IQGAP2: variants seen among roughly 807,000 people sequenced by gnomAD.
IQGAP2 encodes the protein IQ motif containing GTPase activating protein 2.
A neutral mutation model predicts 201.3 loss-of-function variants in IQGAP2; 173 were observed. That is an observed-to-expected ratio of 0.86 (90% CI 0.76 to 0.98). The LOEUF (loss-of-function observed/expected upper bound fraction) is 0.98, where lower values mean the gene tolerates loss of function less well. IQGAP2 is among the 50% of genes least tolerant of loss of function. The pLI, the probability that IQGAP2 is intolerant of heterozygous loss-of-function variation, is 0.00. For synonymous variants in IQGAP2, 675 were observed against 673.9 expected, an observed-to-expected ratio of 1.00 and a Z score of -0.03; for missense variants, 1,687 against 1,864.8, an observed-to-expected ratio of 0.90 and a Z score of 1.76.
intron 3 of IQGAP2, among the ~76,000 whole-genome samples, chr5:76,564,925 A>G (rs544454762): frequency 1.1e-4 from 16 of 152,342 alleles, no homozygotes; most frequent in Non-Finnish European, 2.1e-4. Context: ...AGAAAAAAAC[A>G]TAAGACAAAT....
At chr5:76,681,889 C>G (rs1745336431) in intron 28 of IQGAP2, among the ~76,000 whole-genome samples, 1 of 152,152 alleles carries the variant, frequency 6.6e-6, no homozygotes, top group African/African-American at 2.4e-5. Context: ...CAATATTATT[C>G]AGCTCTAAAA....
At chr5:76,699,719 T>TTCTCTCTCTCTCTC (rs557554396) in intron 33 of IQGAP2, among the ~76,000 whole-genome samples, 3 of 20,464 alleles carry the variant, frequency 1.5e-4, no homozygotes, top group African/African-American at 2.6e-4. Context: ...TTCTCTCTGT[T>TTCTCTCTCTCTCTC]TCTCTCTCTC....
At chr5:76,454,738 T>A (rs1470083897) in intron 1 of IQGAP2, among the ~76,000 whole-genome samples, 4 of 151,908 alleles carry the variant, frequency 2.6e-5, no homozygotes, top group Admixed American at 1.3e-4. Flanking sequence ...TTGTGAATAG[T>A]GCCGCAATAA....
chr5:76,528,537 TCTC>T (rs1274195968), intron 2 of IQGAP2, among the ~76,000 whole-genome samples: 1 of 151,996 alleles, frequency 6.6e-6, no homozygotes, highest in African/African-American at 2.4e-5. Context: ...AACCCAATCT[TCTC>T]CTTTTTTCAA....
chr5:76,475,525 A>C (rs1199098015), intron 2 of IQGAP2, among the ~76,000 whole-genome samples: 1 of 152,180 alleles, frequency 6.6e-6, no homozygotes, highest in Admixed American at 6.5e-5. Context: ...TTTATCTACC[A>C]AAGATCGAGA....
intron 13 of IQGAP2, among the ~76,000 whole-genome samples, chr5:76,612,729 T>TGC (rs1478325494): frequency 5.0e-4 from 76 of 151,960 alleles, no homozygotes; most frequent in Non-Finnish European, 9.0e-4. Flanking sequence ...AGATGGAATA[T>TGC]AGATAGGCTT....
chr5:76,621,451 A>T (rs1282631404), intron 13 of IQGAP2, among the ~76,000 whole-genome samples: 2 of 152,224 alleles, frequency 1.3e-5, no homozygotes, highest in Non-Finnish European at 2.9e-5. Flanking sequence ...TCACTTTTGC[A>T]TTTTGGAAAA....
intron 9 of IQGAP2, 55 bp downstream of exon 9, chr5:76,592,980 C>T (rs929700807): frequency 1.7e-6 from 2 of 1,201,930 alleles, no homozygotes; most frequent in African/African-American, 3.0e-5. Context: ...ACAGACTTTC[C>T]TTGCCAGAAT....
chr5:76,499,118 T>C (rs1390105432), intron 2 of IQGAP2, among the ~76,000 whole-genome samples: 1 of 152,200 alleles, frequency 6.6e-6, no homozygotes, highest in African/African-American at 2.4e-5. Context: ...TGGCAGGGAA[T>C]TTGGGTTCTA....
At chr5:76,496,641 A>G (rs1756904571) in intron 2 of IQGAP2, among the ~76,000 whole-genome samples, 1 of 152,144 alleles carries the variant, frequency 6.6e-6, no homozygotes, top group African/African-American at 2.4e-5. Flanking sequence ...AATGGTATTC[A>G]TATTCACATG....
At chr5:76,465,669 C>A (rs1458201595) in intron 2 of IQGAP2, among the ~76,000 whole-genome samples, 1 of 152,108 alleles carries the variant, frequency 6.6e-6, no homozygotes, top group African/African-American at 2.4e-5. Context: ...ACTAAGAAAA[C>A]CCCACCACAA....
chr5:76,448,562 C>T (rs1243361258), intron 1 of IQGAP2, among the ~76,000 whole-genome samples: 2 of 152,092 alleles, frequency 1.3e-5, no homozygotes, highest in Non-Finnish European at 2.9e-5. Flanking sequence ...CCTCCAAGGG[C>T]AAGAAACCCA....
At position 76,671,940 on chromosome 5, in the gene IQGAP2, A is replaced by C; in HGVS notation, c.3025A>C (p.Lys1009Gln). The change falls in exon 24 of 36, where the codon AAG becomes CAG. Residue 1009 changes from lysine to glutamine, a missense_variant. Lys to Gln is a moderately conservative substitution (Grantham distance 53, BLOSUM62 1). Coordinates refer to ENST00000274364, the MANE Select transcript of IQGAP2 (RefSeq NM_006633.5). Reference protein sequence around the residue: ...IINTNPVEVYKAWVNQLETQT... With the variant: ...IINTNPVEVYQAWVNQLETQT... ...CAACACAAACCCTGTAGAGGTGTAC[A>C]AGGCTTGGGTGAACCAACTAGAAAC... is the stretch of plus-strand genomic sequence containing the variant. 1 of 1,614,138 alleles carries C rather than the reference A, an allele frequency of 6.2e-7. No homozygotes were observed. The highest frequency in any genetic ancestry group is 8.5e-7 in the Non-Finnish European group (1 of 1,179,998).
rs185884135 is a variant in IQGAP2, at chr5:76,566,201, G to A, written c.303+3649G>A. 1.7e-3 allele frequency among the ~76,000 whole-genome samples: 263 copies of A among 152,198 alleles called. 1 individual carries two copies. The highest frequency in any genetic ancestry group is 6.2e-3 in the African/African-American group (256 of 41,516). ...GACAAGGGCCTGGTTTCATGGTGGC[G>A]GGGAGGCAGACTAAGTGAATTTATA... On this transcript the variant is annotated intron_variant, in intron 3 of 35. Coordinates refer to ENST00000274364, the MANE Select transcript of IQGAP2 (RefSeq NM_006633.5).
chr5:76,447,076 T>C (rs1456401595), intron 1 of IQGAP2, among the ~76,000 whole-genome samples: 1 of 152,214 alleles, frequency 6.6e-6, no homozygotes, highest in Non-Finnish European at 1.5e-5. Flanking sequence ...CATAGCCCAA[T>C]TCAGCAGGAA....
intron 29 of IQGAP2, 50 bp downstream of exon 29, chr5:76,683,267 GGGTTGGTTGGTT>G: frequency 1.5e-6 from 2 of 1,322,256 alleles, no homozygotes; most frequent in South Asian, 1.3e-5. Context: ...TTAATTGGGT[GGGTTGGTTGGTT>G]GGTTCGTTGG....
At chr5:76,447,376 C>T (rs935137765) in intron 1 of IQGAP2, among the ~76,000 whole-genome samples, 1 of 152,180 alleles carries the variant, frequency 6.6e-6, no homozygotes, top group African/African-American at 2.4e-5. Flanking sequence ...GGACAGTGAT[C>T]GGGATATAAA....
At chr5:76,544,025 A>T (rs548252710) in intron 2 of IQGAP2, among the ~76,000 whole-genome samples, 2 of 152,162 alleles carry the variant, frequency 1.3e-5, no homozygotes, top group Non-Finnish European at 2.9e-5. Flanking sequence ...TACTGTGGAT[A>T]GCAGTTAAGA....
chr5:76,462,317 A>G (rs561037416), intron 2 of IQGAP2, among the ~76,000 whole-genome samples: 2 of 152,332 alleles, frequency 1.3e-5, no homozygotes, highest in South Asian at 4.1e-4. Flanking sequence ...GTCCCTAAGT[A>G]GGTTTATGAC....
Sources: allele counts gnomAD v4.1 joint callset (sites outside exome capture counted in the v4.1 genomes callset), GRCh38; gene constraint gnomAD v4.1.1; transcripts MANE v1.5; gene names NCBI Gene and HGNC (gene_info 2026-07-23, HGNC 2026-07-21).